The following L3MBTL4 variants were observed in gnomAD, a reference collection of about 807,000 sequenced individuals.
L3MBTL4 encodes lethal(3)malignant brain tumor-like protein 4.
In L3MBTL4, 70 loss-of-function variants were observed where a neutral mutation model predicts 84.5. That is an observed-to-expected ratio of 0.83 (90% confidence interval 0.68 to 1.01). The LOEUF is 1.01. Among genes scored for constraint, L3MBTL4 ranks in the 50% least tolerant of loss-of-function variants. The probability of loss-of-function intolerance (pLI) is 0.00; values close to 1 mark genes in which losing one functional copy is unlikely to be tolerated. For missense variants in L3MBTL4, 715 were observed against 754.8 expected (o/e 0.95, Z 0.62); for synonymous variants, 274 against 259.8 (o/e 1.05, Z -0.52).
chr18:5,957,004 T>C (rs1027045572), intron 18 of L3MBTL4, among the ~76,000 whole-genome samples: 1 of 152,234 alleles, frequency 6.6e-6, no homozygotes, highest in African/African-American at 2.4e-5. Context: ...CATGGCTGCA[T>C]GTATACATAT....
At chr18:6,297,203 A>T (rs1178149655) in intron 4 of L3MBTL4, among the ~76,000 whole-genome samples, 2 of 152,276 alleles carry the variant, frequency 1.3e-5, no homozygotes, top group Non-Finnish European at 1.5e-5. Flanking sequence ...ATGGCAGATG[A>T]GGAAATACTG....
intron 16 of L3MBTL4, among the ~76,000 whole-genome samples, chr18:6,048,957 C>T (rs2056740063): frequency 1.3e-5 from 2 of 152,080 alleles, no homozygotes; most frequent in Non-Finnish European, 2.9e-5. Context: ...CTACATTTCA[C>T]TATATGCAAA....
At chr18:6,087,302 AC>A (rs1363928053) in intron 15 of L3MBTL4, among the ~76,000 whole-genome samples, 1 of 152,202 alleles carries the variant, frequency 6.6e-6, no homozygotes, top group East Asian at 1.9e-4. Flanking sequence ...GTGGTATGGA[AC>A]AGTGAGGAGA....
chr18:6,064,333 C>T (rs928910612), intron 16 of L3MBTL4, among the ~76,000 whole-genome samples: 1 of 152,056 alleles, frequency 6.6e-6, no homozygotes, highest in African/African-American at 2.4e-5. Flanking sequence ...ATTGCTTTGG[C>T]TATGCAGGCT....
intron 4 of L3MBTL4, among the ~76,000 whole-genome samples, chr18:6,270,563 A>C (rs1382280241): frequency 6.6e-6 from 1 of 152,210 alleles, no homozygotes; most frequent in Non-Finnish European, 1.5e-5. Flanking sequence ...AAAATGAAGG[A>C]GGATTTACTC....
At chr18:5,962,786 C>A (rs2095269885) in intron 17 of L3MBTL4, among the ~76,000 whole-genome samples, 2 of 152,154 alleles carry the variant, frequency 1.3e-5, no homozygotes, top group Admixed American at 1.3e-4. Context: ...GGGCAGGAAT[C>A]AAAGATGAGC....
intron 16 of L3MBTL4, among the ~76,000 whole-genome samples, chr18:6,078,929 G>A (rs1283881325): frequency 6.6e-6 from 1 of 152,122 alleles, no homozygotes. Flanking sequence ...TTCTCATAAG[G>A]AACACGCAAT....
intron 16 of L3MBTL4, among the ~76,000 whole-genome samples, chr18:6,036,523 A>C (rs1039256975): frequency 4.0e-5 from 6 of 151,804 alleles, no homozygotes; most frequent in Admixed American, 2.0e-4. Flanking sequence ...TGTTCTCTTG[A>C]GTTTCTCTAC....
chr18:6,178,869 A>G (rs930568331), intron 12 of L3MBTL4, among the ~76,000 whole-genome samples: 8 of 152,114 alleles, frequency 5.3e-5, no homozygotes, highest in Non-Finnish European at 2.9e-5. Flanking sequence ...TTACTTCCCA[A>G]TGCCCACAGT....
chr18:5,960,291 G>T, intron 17 of L3MBTL4, 135 bp from the exon 18 acceptor site: 2 of 383,550 alleles, frequency 5.2e-6, no homozygotes, highest in Non-Finnish European at 9.6e-6. Context: ...CTATCAAGTT[G>T]CATTAGCATT....
chr18:6,086,765 A>AT (rs545185448), intron 15 of L3MBTL4, among the ~76,000 whole-genome samples: 4 of 151,914 alleles, frequency 2.6e-5, no homozygotes, highest in Non-Finnish European at 5.9e-5. Context: ...ACCAACTGTG[A>AT]TTTTCTCTTC....
intron 16 of L3MBTL4, among the ~76,000 whole-genome samples, chr18:6,007,999 CA>C (rs2054568881): frequency 1.3e-5 from 2 of 152,150 alleles, no homozygotes; most frequent in African/African-American, 4.8e-5. Flanking sequence ...GCTACCTATT[CA>C]AAAATCAAAT....
chr18:6,026,500 A>T (rs2055511137), intron 16 of L3MBTL4, among the ~76,000 whole-genome samples: 1 of 152,362 alleles, frequency 6.6e-6, no homozygotes, highest in Admixed American at 6.5e-5. Context: ...AGTCTGATGA[A>T]CTTACGGTGA....
chr18:6,390,320 A>G (rs964541194), intron 1 of L3MBTL4, among the ~76,000 whole-genome samples: 2 of 152,200 alleles, frequency 1.3e-5, no homozygotes, highest in African/African-American at 4.8e-5. Flanking sequence ...CTTCTGGGAT[A>G]CAGTGAAAGC....
intron 5 of L3MBTL4, among the ~76,000 whole-genome samples, chr18:6,255,882 A>G (rs1457277128): frequency 6.6e-6 from 1 of 152,220 alleles, no homozygotes; most frequent in Non-Finnish European, 1.5e-5. Context: ...ATCAGAATGC[A>G]TAAAGTATTT....
chr18:6,071,588 A>G (rs2057601794), intron 16 of L3MBTL4, among the ~76,000 whole-genome samples: 1 of 150,952 alleles, frequency 6.6e-6, no homozygotes, highest in Admixed American at 6.6e-5. Flanking sequence ...GTAAGCCATA[A>G]TCACGCCACT....
chr18:5,956,626 G>A (rs1173803556), intron 18 of L3MBTL4, among the ~76,000 whole-genome samples: 1 of 152,152 alleles, frequency 6.6e-6, no homozygotes, highest in Non-Finnish European at 1.5e-5. Flanking sequence ...TGTTAAATAC[G>A]AATTCAATAT....
chr18:6,261,851 A>G (rs1400787165), intron 5 of L3MBTL4, among the ~76,000 whole-genome samples: 1 of 152,220 alleles, frequency 6.6e-6, no homozygotes, highest in Admixed American at 6.5e-5. Context: ...GGGGCAACAC[A>G]GGAGCTGGAC....
Position 6,314,961 on chromosome 18 carries a change from T to A in L3MBTL4, c.-90-2905A>T, listed in dbSNP as rs370325852. 1.9e-3 allele frequency among the ~76,000 whole-genome samples: 290 copies of A among 152,296 alleles called. 1 individual carries two copies. The highest frequency in any genetic ancestry group is 0.017 in the South Asian group (82 of 4,826). On this transcript the variant is annotated intron_variant, in intron 1 of 18. Transcript: ENST00000317931. ...AGGTACGTCTGTCTTCTGCCACTCA[T>A]CCTGGCATAAGGATTAACAGCACTG...
Sources: gnomAD v4.1 joint callset for allele counts (sites outside exome capture counted in the v4.1 genomes callset) on GRCh38, gnomAD v4.1.1 for gene constraint, MANE v1.5 for transcripts, NCBI Gene and HGNC (gene_info 2026-07-23, HGNC 2026-07-21) for gene names.